The following USP43 variants were observed in gnomAD, a reference collection of about 807,000 sequenced individuals.
USP43 encodes ubiquitin specific peptidase 43.
USP43 carries 33 observed loss-of-function variants against 90.7 expected under a neutral mutation model. That is an observed-to-expected ratio of 0.36 (90% CI 0.28 to 0.49). The LOEUF (loss-of-function observed/expected upper bound fraction) is 0.49, where lower values mean the gene tolerates loss of function less well. Ranked by LOEUF, USP43 falls within the 20% of genes least tolerant of loss-of-function variation. The pLI is 0.98. For synonymous variants in USP43, 598 were observed against 615.8 expected, an observed-to-expected ratio of 0.97 and a Z score of 0.43; for missense variants, 1,274 against 1,476.4, an observed-to-expected ratio of 0.86 and a Z score of 2.25.
chr17:9,721,234 C>G (rs752526593), intron 14 of USP43, among the ~76,000 whole-genome samples: 1 of 152,116 alleles, frequency 6.6e-6, no homozygotes, highest in South Asian at 2.1e-4. Context: ...TCAGTATGGG[C>G]GCTTCTGATG....
At chr17:9,702,686 A>G (rs1356245570) in intron 12 of USP43, among the ~76,000 whole-genome samples, 3 of 152,184 alleles carry the variant, frequency 2.0e-5, no homozygotes, top group Non-Finnish European at 4.4e-5. Flanking sequence ...CTCCCCCACC[A>G]GGGCCTCTCA....
intron 6 of USP43, 39 bp downstream of exon 6, chr17:9,680,405 T>G (rs1349348073): frequency 2.4e-5 from 38 of 1,609,828 alleles, no homozygotes; most frequent in Non-Finnish European, 3.1e-5. Flanking sequence ...TTGGCTATGA[T>G]GAGTTACAGG....
chr17:9,656,107 A>G (rs1451731105), intron 1 of USP43, among the ~76,000 whole-genome samples: 2 of 152,192 alleles, frequency 1.3e-5, no homozygotes, highest in Admixed American at 6.5e-5. Flanking sequence ...GGTCAACAGT[A>G]TCAAAATATT....
Position 9,710,079 on chromosome 17 carries a change from G to T in USP43, c.2135G>T (p.Ser712Ile), listed in dbSNP as rs1163358170. ...AYILFYQKRN[S>I]IPPWSASSSM... ...ATCCTGTTCTATCAGAAGCGGAACA[G>T]CATCCCTCCCTGGTCAGCCAGCAGC... Residue 712 changes from serine (S) to isoleucine (I), a missense_variant, in exon 13 of 15, where the codon AGC (serine) becomes ATC (isoleucine). By Grantham distance (142) the Ser-to-Ile change is moderately radical. Transcript: ENST00000285199. 6 of 1,547,462 alleles carry T rather than the reference G, an allele frequency of 3.9e-6. No individual in the cohort carries two copies. Among genetic ancestry groups the T allele is most frequent in the African/African-American group, 1.4e-5 (1 of 71,876 alleles).
rs1382170406 is a variant in USP43, at chr17:9,701,712, C to T, written c.2011+12C>T. ...TGGGCATTACACAGGTGAGCCTTGC[C>T]TTGCCTTTCTGCAAATGCAGCTGTG... On this transcript the variant is annotated intron_variant, in intron 12 of 14. Transcript: ENST00000285199. The surrounding 1 kb of genome is among the most constrained non-coding windows in gnomAD (Gnocchi z 7.2). 1 of 1,511,246 alleles carries T rather than the reference C, an allele frequency of 6.6e-7. No individual in the cohort carries two copies. The highest frequency in any genetic ancestry group is 2.4e-5 in the East Asian group (1 of 41,018). The allele number at this position is 1,511,246 out of a possible 1,614,324, so 93.6% of individuals were successfully genotyped here.
At position 9,654,968 on chromosome 17, in the gene USP43, C is replaced by T. The variant is rs112915949; in HGVS notation, c.505-1435C>T. The stretch of plus-strand genomic sequence containing the variant: ...GGCTTGGCTGGTGTCGAACTCCTGA[C>T]TTAAAGTGATCCATCCGCCTCGGCC... On this transcript the variant is annotated intron_variant, in intron 1 of 14. Coordinates refer to ENST00000285199, the MANE Select transcript of USP43 (RefSeq NM_153210.5). Among the ~76,000 whole-genome samples the T allele has an allele frequency of 9.9e-4, 149 of 151,228 alleles. 1 individual carries two copies. Among genetic ancestry groups the T allele is most frequent in the African/African-American group, 3.5e-3 (143 of 41,208 alleles).
intron 14 of USP43, among the ~76,000 whole-genome samples, chr17:9,717,158 CAAA>C (rs34421871): frequency 6.1e-5 from 5 of 81,804 alleles, no homozygotes; most frequent in Admixed American, 1.5e-4. Flanking sequence ...GACTCCCTCT[CAAA>C]AAAAAAAAAA....
intron 2 of USP43, among the ~76,000 whole-genome samples, chr17:9,661,153 T>C (rs1181144394): frequency 6.6e-6 from 1 of 152,158 alleles, no homozygotes; most frequent in African/African-American, 2.4e-5. Context: ...GTTTTCATCC[T>C]GCAAAGAGGG....
At chr17:9,710,923 G>C (rs1597881509) in intron 13 of USP43, among the ~76,000 whole-genome samples, 1 of 131,058 alleles carries the variant, frequency 7.6e-6, no homozygotes, top group Non-Finnish European at 1.6e-5. Flanking sequence ...GGACAAGAGA[G>C]CATTAAAAAA....
chr17:9,720,221 G>C (rs1916860883), intron 14 of USP43, among the ~76,000 whole-genome samples: 1 of 151,034 alleles, frequency 6.6e-6, no homozygotes, highest in African/African-American at 2.4e-5. Flanking sequence ...AGCTACCTGG[G>C]AGGCTGAGGC....
intron 12 of USP43, among the ~76,000 whole-genome samples, chr17:9,702,226 A>G (rs920852879): frequency 2.6e-5 from 4 of 152,060 alleles, no homozygotes; most frequent in Admixed American, 6.6e-5. Context: ...AAAATGAGCT[A>G]GGCATTGTGG....
rs76974432 is a variant in USP43 at position 9,710,142 on chromosome 17, G to C, written c.2170+28G>C. ...AGGTGCTGCTGCTCATGACAGGAGG[G>C]GGGTGTGGGGAAGTCACTTTAAGAA... On this transcript the variant is annotated intron_variant, in intron 13 of 14. Transcript: ENST00000285199. The C allele has an allele frequency of 9.2e-4, 1,302 of 1,410,988 alleles. 27 individuals carry two copies. In the East Asian group the frequency reaches 0.028, roughly 30 times the overall value. 87.4% of individuals were successfully genotyped at this position (1,410,988 alleles called of 1,614,324 possible). A position where few individuals can be genotyped will look rare whatever the true frequency, so the allele number is the denominator to read the frequency against.
At chr17:9,667,942 A>T (rs964739544) in intron 3 of USP43, among the ~76,000 whole-genome samples, 2 of 152,200 alleles carry the variant, frequency 1.3e-5, no homozygotes. Flanking sequence ...CTACAGACAC[A>T]TGGTAAGTGG....
Position 9,711,949 on chromosome 17 carries a change from C to T in USP43, c.2171-19C>T. 1 of 1,577,126 alleles carries T rather than the reference C, an allele frequency of 6.3e-7. No homozygotes were observed. Among genetic ancestry groups the T allele is most frequent in the Non-Finnish European group, 8.6e-7 (1 of 1,160,140 alleles). ...TGCTGGGGTTGGGCTCAGCCTCCCTCTCTGTGTTTCCTCCACAGGCTCTAC... is the reference window on the plus strand; with the variant it reads ...TGCTGGGGTTGGGCTCAGCCTCCCTTTCTGTGTTTCCTCCACAGGCTCTAC... On this transcript the variant is annotated intron_variant, in intron 13 of 14. Transcript: ENST00000285199.
At chr17:9,689,149 A>G (rs575227589) in intron 8 of USP43, among the ~76,000 whole-genome samples, 5 of 151,416 alleles carry the variant, frequency 3.3e-5, no homozygotes, top group African/African-American at 9.8e-5. Context: ...GATGGTTGTG[A>G]GGCTTCCAGG....
In USP43 at chr17:9,701,288, G is replaced by T. The variant is rs767313574; in HGVS notation, c.1662+43G>T. On this transcript the variant is annotated intron_variant, in intron 11 of 14. Transcript: ENST00000285199. This position sits in a 1 kb window ranked among gnomAD's most constrained non-coding sequence, Gnocchi z 7.2. The stretch of plus-strand genomic sequence containing the variant: ...CATGCCCCGGCCGGGAAGGGGGCTG[G>T]CTGCCTTTGGTGGGTTGGCCACGTG... The T allele has an allele frequency of 1.9e-6, 3 of 1,593,784 alleles. No individual in the cohort carries two copies. The highest frequency in any genetic ancestry group is 3.5e-5 in the Admixed American group (2 of 57,608).
intron 3 of USP43, among the ~76,000 whole-genome samples, chr17:9,672,345 A>G (rs371147140): frequency 6.6e-6 from 1 of 152,086 alleles, no homozygotes; most frequent in East Asian, 1.9e-4. Flanking sequence ...CTTTTTTTCT[A>G]CAAACCACTC....
chr17:9,706,932 C>T (rs1171639009), intron 12 of USP43, among the ~76,000 whole-genome samples: 1 of 152,028 alleles, frequency 6.6e-6, no homozygotes, highest in Non-Finnish European at 1.5e-5. Context: ...CGTGAGTCTC[C>T]GTGCCCAGCC....
At position 9,709,531 on chromosome 17, in the gene USP43, C is replaced by T. The variant is rs1000633067; in HGVS notation, c.2012-425C>T. On this transcript the variant is annotated intron_variant, in intron 12 of 14. Coordinates refer to ENST00000285199, the MANE Select transcript of USP43 (RefSeq NM_153210.5). This position sits in a 1 kb window ranked among gnomAD's most constrained non-coding sequence, Gnocchi z 5.0. ...AGGAGTTCGAGACCAGCCTGGTCAA[C>T]ATGGTGAAACCCCATCTCTAATAAA... Among the ~76,000 whole-genome samples, 3 of 152,058 alleles carry T rather than the reference C, an allele frequency of 2.0e-5. No individual in the cohort carries two copies. Among genetic ancestry groups the T allele is most frequent in the Non-Finnish European group, 2.9e-5 (2 of 68,026 alleles).
Sources: allele counts gnomAD v4.1 joint callset (sites outside exome capture counted in the v4.1 genomes callset), GRCh38; gene constraint gnomAD v4.1.1; non-coding constraint Gnocchi (gnomAD v3.1); transcripts MANE v1.5; gene names NCBI Gene and HGNC (gene_info 2026-07-23, HGNC 2026-07-21).